Variants in COL25A1 observed in about 807,000 individuals in gnomAD.
COL25A1 encodes the protein collagen type XXV alpha 1 chain.
Under a neutral mutation model 128.4 loss-of-function variants are expected in COL25A1, and 103 were observed. The ratio of observed to expected loss-of-function variants is 0.80; its 90% CI spans 0.68 to 0.94. The LOEUF (loss-of-function observed/expected upper bound fraction) is 0.94, where lower values mean the gene tolerates loss of function less well. Ranked by LOEUF, COL25A1 falls within the 40% of genes least tolerant of loss-of-function variation. COL25A1 has a pLI of 0.00. For synonymous variants in COL25A1, 279 were observed against 277.2 expected (o/e 1.01, Z -0.06); for missense variants, 745 against 840.0 (o/e 0.89, Z 1.40).
rs199826839 is a variant in COL25A1, at chr4:109,300,606, G to A, written c.344C>T (p.Pro115Leu). ...MAKIRIAREAPSECNCPAGPP... is the reference protein window; with the variant it reads ...MAKIRIAREALSECNCPAGPP... Reference sequence around the variant, plus strand: ...ACCTGCTGGGCAGTTACATTCTGAAGGTGCTTCTCTTGCGATTCTTATTTT... The same window carrying A: ...ACCTGCTGGGCAGTTACATTCTGAAAGTGCTTCTCTTGCGATTCTTATTTT... Residue 115 changes from proline (P) to leucine (L), a missense_variant, in exon 3 of 38, where the codon CCT becomes CTT. Pro to Leu is a moderately conservative substitution (Grantham distance 98). Coordinates refer to ENST00000399132, the MANE Select transcript of COL25A1 (RefSeq NM_198721.4). 4 of 1,612,178 alleles carry A rather than the reference G, an allele frequency of 2.5e-6. No individual in the cohort carries two copies. The East Asian group carries it at 8.9e-5, about 36-fold the overall frequency.
rs984130927 is a variant in COL25A1, at chr4:108,846,055, A to G, written c.1515+84T>C. 6 of 885,334 alleles carry G rather than the reference A, an allele frequency of 6.8e-6. No homozygotes were observed. The Admixed American group carries it at 1.2e-4, about 18-fold the overall frequency. The allele number at this position is 885,334 out of a possible 1,614,324, so 54.8% of individuals were successfully genotyped here. ...ACCACTAGATGAGATTGCAGCTAAT[A>G]ATATAACTCTTTTCTGATTGTTTAA... On this transcript the variant is annotated intron_variant, in intron 28 of 37. Transcript: ENST00000399132.
At chr4:109,047,279 A>G (rs1760514988) in intron 5 of COL25A1, among the ~76,000 whole-genome samples, 1 of 152,232 alleles carries the variant, frequency 6.6e-6, no homozygotes, top group Admixed American at 6.5e-5. Flanking sequence ...ATTTGCTTGC[A>G]AAAGAAACCT....
chr4:109,130,860 T>A (rs1396481963), intron 3 of COL25A1, among the ~76,000 whole-genome samples: 1 of 152,208 alleles, frequency 6.6e-6, no homozygotes, highest in Non-Finnish European at 1.5e-5. Flanking sequence ...ACATATTTAT[T>A]TATATTGCAT....
chr4:108,870,881 GTATA>G (rs1335558931), intron 19 of COL25A1, among the ~76,000 whole-genome samples: 1 of 152,006 alleles, frequency 6.6e-6, no homozygotes, highest in Non-Finnish European at 1.5e-5. Context: ...CAGAATTCTT[GTATA>G]TATTCAAGTG....
At chr4:109,092,076 T>C (rs1365019891) in intron 3 of COL25A1, among the ~76,000 whole-genome samples, 1 of 152,076 alleles carries the variant, frequency 6.6e-6, no homozygotes, top group Admixed American at 6.5e-5. Flanking sequence ...CTTGGGATCA[T>C]GAGAAATTTG....
At chr4:109,021,773 TG>T (rs1196137644) in intron 5 of COL25A1, 1 of 453,330 alleles carries the variant, frequency 2.2e-6, no homozygotes, top group East Asian at 7.0e-5. Flanking sequence ...ATTGCATTCC[TG>T]GGGGCAGGTC....
At chr4:108,943,102 T>C (rs1748334173) in intron 8 of COL25A1, among the ~76,000 whole-genome samples, 2 of 152,170 alleles carry the variant, frequency 1.3e-5, no homozygotes, top group South Asian at 2.1e-4. Context: ...TGAGAGCTCA[T>C]TGTCACTGAG....
intron 3 of COL25A1, among the ~76,000 whole-genome samples, chr4:109,154,695 G>A (rs1771864686): frequency 1.3e-5 from 2 of 152,106 alleles, no homozygotes; most frequent in Non-Finnish European, 2.9e-5. Flanking sequence ...ATAAGCTTAT[G>A]CAAATAAGAA....
At chr4:109,012,904 C>T (rs955285294) in intron 5 of COL25A1, among the ~76,000 whole-genome samples, 3 of 152,342 alleles carry the variant, frequency 2.0e-5, no homozygotes, top group South Asian at 4.1e-4. Flanking sequence ...AGCCCTGGTG[C>T]GATCCACTAG....
At chr4:109,182,490 C>A (rs148492946) in intron 3 of COL25A1, among the ~76,000 whole-genome samples, 1 of 152,100 alleles carries the variant, frequency 6.6e-6, no homozygotes, top group African/African-American at 2.4e-5. Context: ...AATAAGATAT[C>A]CTTCATTTAA....
intron 8 of COL25A1, among the ~76,000 whole-genome samples, chr4:108,954,287 A>G (rs950671398): frequency 5.9e-5 from 9 of 152,038 alleles, no homozygotes; most frequent in African/African-American, 2.2e-4. Context: ...TAAACTTTCT[A>G]CTTTTTGGTT....
At chr4:109,207,871 A>G (rs1331652471) in intron 3 of COL25A1, among the ~76,000 whole-genome samples, 1 of 152,208 alleles carries the variant, frequency 6.6e-6, no homozygotes, top group Non-Finnish European at 1.5e-5. Flanking sequence ...GCAATAAAGT[A>G]TACTCTATTA....
At chr4:109,290,509 G>A (rs1724362233) in intron 3 of COL25A1, among the ~76,000 whole-genome samples, 1 of 152,060 alleles carries the variant, frequency 6.6e-6, no homozygotes, top group African/African-American at 2.4e-5. Context: ...ACTTCCAGAT[G>A]CTTAACATGT....
chr4:109,181,313 T>C (rs970426646), intron 3 of COL25A1, among the ~76,000 whole-genome samples: 2 of 152,100 alleles, frequency 1.3e-5, no homozygotes, highest in African/African-American at 2.4e-5. Flanking sequence ...AGGGACTTCA[T>C]GGACCAGAGT....
chr4:109,236,516 G>A (rs967380471), intron 3 of COL25A1, among the ~76,000 whole-genome samples: 3 of 151,828 alleles, frequency 2.0e-5, no homozygotes, highest in Admixed American at 6.6e-5. Flanking sequence ...ACCACAAATG[G>A]CCACTTTTCC....
At chr4:109,009,073 A>G (rs1756329078) in intron 6 of COL25A1, among the ~76,000 whole-genome samples, 1 of 152,184 alleles carries the variant, frequency 6.6e-6, no homozygotes, top group African/African-American at 2.4e-5. Flanking sequence ...AGTGAGCCGA[A>G]ACTGCACCAT....
chr4:109,110,732 T>C (rs1005331476), intron 3 of COL25A1, among the ~76,000 whole-genome samples: 20 of 152,188 alleles, frequency 1.3e-4, no homozygotes, highest in African/African-American at 4.8e-4. Context: ...GGTGCAATTG[T>C]CTACCCAGAA....
At chr4:109,275,781 A>T (rs1471925316) in intron 3 of COL25A1, among the ~76,000 whole-genome samples, 1 of 152,172 alleles carries the variant, frequency 6.6e-6, no homozygotes, top group Non-Finnish European at 1.5e-5. Flanking sequence ...AGTTTTTTTT[A>T]GAAGGCAATC....
At chr4:108,898,053 C>A (rs1390134279) in intron 15 of COL25A1, among the ~76,000 whole-genome samples, 1 of 152,074 alleles carries the variant, frequency 6.6e-6, no homozygotes, top group African/African-American at 2.4e-5. Flanking sequence ...AATAAATGTC[C>A]TAGTAATGTG....
Sources: allele counts gnomAD v4.1 joint callset (sites outside exome capture counted in the v4.1 genomes callset), GRCh38; gene constraint gnomAD v4.1.1; transcripts MANE v1.5; gene names NCBI Gene and HGNC (gene_info 2026-07-23, HGNC 2026-07-21).